The following RBM22 variants were observed in gnomAD, a reference collection of about 807,000 sequenced individuals.
RBM22 encodes the protein pre-mRNA-splicing factor RBM22.
A neutral mutation model predicts 50.1 loss-of-function variants in RBM22; 1 was observed. The observed-to-expected ratio is 0.02, with a 90% CI of 0.01 to 0.09. The LOEUF (loss-of-function observed/expected upper bound fraction) is 0.09, where lower values mean the gene tolerates loss of function less well. RBM22 is among the 10% of genes least tolerant of loss of function. The pLI is 1.00. For synonymous variants in RBM22, 152 were observed against 179.0 expected (o/e 0.85, Z 1.20); for missense variants, 264 against 529.3 (o/e 0.50, Z 4.92).
chr5:150,695,738 G>A lies in RBM22; in HGVS notation c.546-32C>T, dbSNP rs377707572. 4.1e-5 allele frequency: 63 copies of A among 1,536,334 alleles called. No homozygotes were observed. The highest frequency in any genetic ancestry group is 5.4e-5 in the Non-Finnish European group (61 of 1,119,660). On this transcript the variant is annotated intron_variant, in intron 6 of 10. Transcript: ENST00000199814. ...TTCAAGAAAAAAACAAGGCATAAAG[G>A]TGAAACGAAGGTGAAAAAATGATTA... is the stretch of plus-strand genomic sequence containing the variant.
Position 150,692,888 on chromosome 5 carries a change from A to T in RBM22, c.1132+7T>A. 6.3e-7 allele frequency: 1 copy of T among 1,586,756 alleles called. No individual in the cohort carries two copies. The highest frequency in any genetic ancestry group is 8.6e-7 in the Non-Finnish European group (1 of 1,167,218). On this transcript the variant is annotated splice_region_variant and intron_variant, in intron 10 of 10. Transcript: ENST00000199814. ...TTCTCTGGGCTAAGAAGGAAGATGGAAGTTACCTGGGGGTGGGGGTGGAGC... is the reference window on the plus strand; with the variant it reads ...TTCTCTGGGCTAAGAAGGAAGATGGTAGTTACCTGGGGGTGGGGGTGGAGC...
intron 10 of RBM22, 25 bp downstream of exon 10, chr5:150,692,870 G>C: frequency 1.3e-6 from 2 of 1,573,278 alleles, no homozygotes; most frequent in Non-Finnish European, 1.7e-6. Flanking sequence ...GATTTCTCTG[G>C]GCTAAGAAGG....
Position 150,693,212 on chromosome 5 carries a change from C to T in RBM22, c.1000+7G>A. 1.2e-6 allele frequency: 2 copies of T among 1,609,920 alleles called. No homozygotes were observed. The highest frequency in any genetic ancestry group is 1.7e-6 in the Non-Finnish European group (2 of 1,176,410). ...GCTTCTGAAGTCAGCAGGGAGTCTG[C>T]ACTCACCTCCTGGCAATCCTGGAAC... On this transcript the variant is annotated splice_region_variant and intron_variant, in intron 9 of 10. Coordinates refer to ENST00000199814, the MANE Select transcript of RBM22 (RefSeq NM_018047.3).
chr5:150,697,842 C>G, intron 4 of RBM22: 1 of 231,288 alleles, frequency 4.3e-6, no homozygotes, highest in Non-Finnish European at 8.7e-6. Flanking sequence ...GAAACAGTAG[C>G]AATATATCAG....
Position 150,694,225 on chromosome 5 carries a change from C to G in RBM22, c.762G>C (p.Gln254His). The G allele has an allele frequency of 6.2e-7, 1 of 1,611,434 alleles. No homozygotes were observed. The highest frequency in any genetic ancestry group is 8.5e-7 in the Non-Finnish European group (1 of 1,179,006). The change falls in exon 8 of 11, where the codon CAG becomes CAC. Residue 254 changes from glutamine to histidine, a missense_variant. Physicochemically the swap from Gln to His is conservative, Grantham distance 24. Coordinates refer to ENST00000199814, the MANE Select transcript of RBM22 (RefSeq NM_018047.3). ...CAGTGATCGTCCGGATCTCTCCGAA[C>G]TGGTAGAAATGATTTCTGAAGGGAA... ...TETDLRNHFYQFGEIRTITVV... is the reference protein window; with the variant it reads ...TETDLRNHFYHFGEIRTITVV...
At position 150,691,687 on chromosome 5, in the gene RBM22, C is replaced by T; in HGVS notation, c.*64G>A. On this transcript the variant is annotated 3_prime_UTR_variant, in exon 11 of 11. Transcript: ENST00000199814. ...CAAGGGAAGGAAAAATATATTTATT[C>T]CAAGATTTACTGGGAGTTTTAAGTG... 7.1e-7 allele frequency: 1 copy of T among 1,411,802 alleles called. No homozygotes were observed. Among genetic ancestry groups the T allele is most frequent in the East Asian group, 2.5e-5 (1 of 39,428 alleles). The allele number at this position is 1,411,802 out of a possible 1,614,324, so 87.5% of individuals were successfully genotyped here.
intron 3 of RBM22, among the ~76,000 whole-genome samples, 198 bp downstream of exon 3, chr5:150,699,044 G>C (rs141107069): frequency 1.3e-5 from 2 of 152,224 alleles, no homozygotes; most frequent in African/African-American, 4.8e-5. Context: ...GACACCGTAA[G>C]AATCTCTACA....
intron 10 of RBM22, among the ~76,000 whole-genome samples, chr5:150,692,482 T>C (rs1323663303): frequency 6.6e-6 from 1 of 152,112 alleles, no homozygotes. Flanking sequence ...ACTTTCTCAA[T>C]GAAGGAAGGG....
rs1241175854 is a variant in RBM22 at position 150,695,680 on chromosome 5, T to A, written c.572A>T (p.Asp191Val). 6.2e-7 allele frequency: 1 copy of A among 1,610,890 alleles called. No individual in the cohort carries two copies. The highest frequency in any genetic ancestry group is 1.7e-5 in the Admixed American group (1 of 59,944). The change falls in exon 7 of 11, where the codon GAC (aspartate) becomes GTC (valine). Residue 191 changes from aspartate to valine, a missense_variant. This residue lies in a region of RBM22 where 62 missense variants were observed against 102.6 expected (regional missense o/e 0.60). Coordinates refer to ENST00000199814, the MANE Select transcript of RBM22 (RefSeq NM_018047.3). ...YRHEKPTDPD[D>V]PLADQNIKDR... ...TTTAATATTCTGATCAGCAAGGGGG[T>A]CATCTGGATCTGTAGGCTTCTCATG...
chr5:150,695,589 A>T lies in RBM22; in HGVS notation c.663T>A (p.Pro221=). Residue 221 remains proline (P), a synonymous_variant, in exon 7 of 11, where the codon CCT becomes CCA. Coordinates refer to ENST00000199814, the MANE Select transcript of RBM22 (RefSeq NM_018047.3). ...TTTTATCCTCTGGTGGGTCCAGCCG[A>T]GGCATTGTTGAAGCCCGCTTTAGAA... ...DKLLKRASTM[P]RLDPPEDKTI... The T allele has an allele frequency of 6.2e-7, 1 of 1,613,920 alleles. No individual in the cohort carries two copies. The highest frequency in any genetic ancestry group is 8.5e-7 in the Non-Finnish European group (1 of 1,179,958).
chr5:150,694,653 C>T (rs773881962), intron 7 of RBM22: 10 of 156,088 alleles, frequency 6.4e-5, no homozygotes, highest in African/African-American at 9.6e-5. Flanking sequence ...CCTCTTACAG[C>T]GAAAGTCTGC....
intron 2 of RBM22, 52 bp downstream of exon 2, chr5:150,700,392 T>C: frequency 1.3e-6 from 2 of 1,533,562 alleles, no homozygotes; most frequent in South Asian, 1.1e-5. Flanking sequence ...AGTGTGCAAG[T>C]ACCACAACAT....
chr5:150,700,816 G>T (rs912087070), intron 1 of RBM22, 116 bp downstream of exon 1: 1 of 1,601,068 alleles, frequency 6.2e-7, no homozygotes, highest in Non-Finnish European at 8.5e-7. Context: ...AAGCTAGGCC[G>T]CCGCGCTGGC....
At chr5:150,699,859 G>A (rs1271748612) in intron 2 of RBM22, among the ~76,000 whole-genome samples, 1 of 152,222 alleles carries the variant, frequency 6.6e-6, no homozygotes, top group Non-Finnish European at 1.5e-5. Flanking sequence ...TATAGTAAAT[G>A]TTCTGTTTAA....
chr5:150,700,300 GAC>G, intron 2 of RBM22, 142 bp downstream of exon 2: 1 of 739,810 alleles, frequency 1.4e-6, no homozygotes. Flanking sequence ...GAATACACAT[GAC>G]AGTTCTTTGC....
intron 2 of RBM22, among the ~76,000 whole-genome samples, chr5:150,699,605 C>G (rs946124973): frequency 4.6e-5 from 7 of 152,154 alleles, no homozygotes; most frequent in African/African-American, 1.7e-4. Flanking sequence ...GGCAACATAG[C>G]GAGATGCTGT....
In RBM22 at chr5:150,695,635, T is replaced by C. The variant is rs1219598954; in HGVS notation, c.617A>G (p.Asn206Ser). 4 of 1,612,830 alleles carry C rather than the reference T, an allele frequency of 2.5e-6. No homozygotes were observed. Among genetic ancestry groups the C allele is most frequent in the Admixed American group, 3.3e-5 (2 of 60,002 alleles). Residue 206 changes from asparagine to serine, a missense_variant, in exon 7 of 11, where the codon AAT (asparagine) becomes AGT (serine). Asn to Ser is a conservative substitution (Grantham distance 46). Around this residue, in one of 7 missense-constraint regions of RBM22, gnomAD observed 62 missense variants for 102.6 expected, o/e 0.60. Coordinates refer to ENST00000199814, the MANE Select transcript of RBM22 (RefSeq NM_018047.3). ...TAGAAGCTTGTCAGCTACAGGATCA[T>C]TGATTCCGTAATAACGGTCTTTAAT... is the stretch of plus-strand genomic sequence containing the variant. Reference protein sequence around the residue: ...QNIKDRYYGINDPVADKLLKR... With the variant: ...QNIKDRYYGISDPVADKLLKR...
Position 150,694,101 on chromosome 5 carries a change from G to A in RBM22, c.886C>T (p.Arg296Cys). 1.2e-6 allele frequency: 2 copies of A among 1,613,654 alleles called. No individual in the cohort carries two copies. The highest frequency in any genetic ancestry group is 1.7e-6 in the Non-Finnish European group (2 of 1,179,980). Reference protein sequence around the residue: ...KSFNKLIVNGRRLNVKWGRSQ... With the variant: ...KSFNKLIVNGCRLNVKWGRSQ... Reference sequence around the variant, plus strand: ...CTTCCCCATTTCACATTCAGTCTGCGGCCATTTACAATCAACTTATTAAAG... The same window carrying A: ...CTTCCCCATTTCACATTCAGTCTGCAGCCATTTACAATCAACTTATTAAAG... Residue 296 changes from arginine (R) to cysteine (C), a missense_variant, in exon 8 of 11, where the codon CGC (arginine) becomes TGC (cysteine). Arg to Cys is a radical substitution (Grantham distance 180, BLOSUM62 -3). Transcript: ENST00000199814.
chr5:150,700,395 CACA>C (rs1216127371), intron 2 of RBM22, 46 bp downstream of exon 2: 1 of 1,546,592 alleles, frequency 6.5e-7, no homozygotes, highest in East Asian at 2.2e-5. Flanking sequence ...GTGCAAGTAC[CACA>C]ACATCGACAG....
Sources: allele counts gnomAD v4.1 joint callset (sites outside exome capture counted in the v4.1 genomes callset), GRCh38; gene constraint gnomAD v4.1.1; regional missense constraint gnomAD v4.1.1; transcripts MANE v1.5; gene names NCBI Gene and HGNC (gene_info 2026-07-23, HGNC 2026-07-21).